C8orf34: variants seen among roughly 807,000 people sequenced by gnomAD.
C8orf34 encodes uncharacterized protein C8orf34.
In C8orf34, 65 loss-of-function variants were observed where a neutral mutation model predicts 68.3. The observed-to-expected ratio is 0.95, with a 90% confidence interval of 0.78 to 1.17. The LOEUF (loss-of-function observed/expected upper bound fraction) is 1.17, where lower values mean the gene tolerates loss of function less well. C8orf34 is among the 50% of genes most tolerant of loss of function. C8orf34 has a pLI of 0.00. For synonymous variants in C8orf34, 244 were observed against 241.2 expected (o/e 1.01, Z -0.11); for missense variants, 664 against 655.4 (o/e 1.01, Z -0.14).
At chr8:68,685,878 GTAAATAAA>G (rs57861421) in intron 8 of C8orf34, among the ~76,000 whole-genome samples, 24,447 of 139,026 alleles carry the variant, frequency 0.18, 2,382 homozygotes, top group East Asian at 0.42. Flanking sequence ...CCCTATCTCA[GTAAATAAA>G]TAAATAAATA....
rs540527747 is a variant in C8orf34 at position 68,348,561 on chromosome 8, T to A, written c.327+17222T>A. On this transcript the variant is annotated intron_variant, in intron 1 of 13. Transcript: ENST00000518698. Reference sequence around the variant, plus strand: ...CTATAAATTGCCTTGGGCAGTCTAGTCATTTTAATTATATTGATTCTTCCT... The same window carrying A: ...CTATAAATTGCCTTGGGCAGTCTAGACATTTTAATTATATTGATTCTTCCT... 2.6e-5 allele frequency among the ~76,000 whole-genome samples: 4 copies of A among 152,106 alleles called. No homozygotes were observed. The South Asian group carries it at 8.3e-4, about 32-fold the overall frequency.
chr8:68,353,624 G>A (rs868725614), intron 1 of C8orf34, among the ~76,000 whole-genome samples: 1 of 125,684 alleles, frequency 8.0e-6, no homozygotes, highest in Admixed American at 8.5e-5. Context: ...ATATACAGTT[G>A]ATTATATATA....
intron 4 of C8orf34, among the ~76,000 whole-genome samples, chr8:68,481,291 T>C (rs1380251247): frequency 6.6e-6 from 1 of 152,210 alleles, no homozygotes; most frequent in East Asian, 1.9e-4. Context: ...TTTTAGAGGA[T>C]GCATGGAAAT....
intron 12 of C8orf34, among the ~76,000 whole-genome samples, chr8:68,811,002 C>T (rs984869842): frequency 1.3e-5 from 2 of 152,068 alleles, no homozygotes; most frequent in African/African-American, 4.8e-5. Context: ...TTACTGGGGA[C>T]CCAGCACTTT....
At chr8:68,773,500 A>G (rs1823412911) in intron 10 of C8orf34, among the ~76,000 whole-genome samples, 1 of 152,014 alleles carries the variant, frequency 6.6e-6, no homozygotes, top group African/African-American at 2.4e-5. Flanking sequence ...TCCCAGGTTC[A>G]AGTGATTCTC....
At chr8:68,801,048 A>G (rs910192279) in intron 12 of C8orf34, among the ~76,000 whole-genome samples, 5 of 152,144 alleles carry the variant, frequency 3.3e-5, no homozygotes, top group Non-Finnish European at 7.3e-5. Context: ...ATAACTTTTG[A>G]GAAAAACTGC....
intron 5 of C8orf34, among the ~76,000 whole-genome samples, chr8:68,507,695 A>G (rs1814084182): frequency 6.6e-6 from 1 of 152,144 alleles, no homozygotes; most frequent in Non-Finnish European, 1.5e-5. Context: ...TTACTTACTT[A>G]CTGTAGAAAA....
At chr8:68,571,072 C>T (rs1019444483) in intron 7 of C8orf34, among the ~76,000 whole-genome samples, 2 of 152,046 alleles carry the variant, frequency 1.3e-5, no homozygotes, top group East Asian at 1.9e-4. Context: ...ACTATTCCTC[C>T]GTGGAGGAGA....
intron 1 of C8orf34, among the ~76,000 whole-genome samples, chr8:68,398,522 AAC>A (rs1288003315): frequency 5.9e-5 from 9 of 152,160 alleles, no homozygotes; most frequent in Non-Finnish European, 1.2e-4. Context: ...GTGGTAAAAA[AAC>A]ACACACAAAA....
At chr8:68,650,681 G>A (rs1460302484) in intron 8 of C8orf34, among the ~76,000 whole-genome samples, 7 of 151,926 alleles carry the variant, frequency 4.6e-5, no homozygotes, top group African/African-American at 1.4e-4. Flanking sequence ...GGGTTTCACC[G>A]TTTTAGCCGG....
intron 10 of C8orf34, among the ~76,000 whole-genome samples, chr8:68,732,541 G>A (rs1822006800): frequency 6.6e-6 from 1 of 151,608 alleles, no homozygotes. Flanking sequence ...TCATATTGTG[G>A]CAAATAATTT....
chr8:68,446,962 T>C (rs930819580), intron 3 of C8orf34: 1 of 153,200 alleles, frequency 6.5e-6, no homozygotes, highest in African/African-American at 2.4e-5. Context: ...TGTAATATCT[T>C]TGTTTTTATG....
chr8:68,425,046 T>C (rs895232789), intron 1 of C8orf34, among the ~76,000 whole-genome samples: 35 of 152,316 alleles, frequency 2.3e-4, no homozygotes, highest in African/African-American at 8.2e-4. Context: ...ATCATATTAA[T>C]TGATGCAAAA....
At chr8:68,456,239 G>A (rs1811546008) in intron 3 of C8orf34, among the ~76,000 whole-genome samples, 1 of 151,060 alleles carries the variant, frequency 6.6e-6, no homozygotes, top group African/African-American at 2.4e-5. Flanking sequence ...CTGGGTGACA[G>A]AGCGACACTC....
rs550316643 is a variant in C8orf34, at chr8:68,430,806, A to G, written c.328-8693A>G. Among the ~76,000 whole-genome samples the G allele has an allele frequency of 3.3e-5, 5 of 152,210 alleles. 1 individual carries two copies. The highest frequency in any genetic ancestry group is 1.2e-4 in the African/African-American group (5 of 41,558). On this transcript the variant is annotated intron_variant, in intron 1 of 13. Coordinates refer to ENST00000518698, the MANE Select transcript of C8orf34 (RefSeq NM_052958.4). The stretch of plus-strand genomic sequence containing the variant: ...GGGATGACTTGCAAGACAATGTGAC[A>G]AGTCGTTTCCTTATCTTGAGAAATA...
chr8:68,561,855 C>A (rs769741150), intron 7 of C8orf34, among the ~76,000 whole-genome samples: 12 of 152,144 alleles, frequency 7.9e-5, no homozygotes, highest in Non-Finnish European at 1.6e-4. Context: ...TCAGCATCAT[C>A]AATGTCACTT....
intron 1 of C8orf34, among the ~76,000 whole-genome samples, chr8:68,368,958 G>T (rs1439219191): frequency 1.3e-5 from 2 of 152,114 alleles, no homozygotes; most frequent in Non-Finnish European, 2.9e-5. Context: ...AGATGTATAT[G>T]TAACTTAAAA....
intron 8 of C8orf34, among the ~76,000 whole-genome samples, chr8:68,650,449 G>A (rs957488638): frequency 4.6e-5 from 7 of 151,858 alleles, no homozygotes; most frequent in Admixed American, 2.0e-4. Flanking sequence ...TGCATCGAGC[G>A]GGAAAAGGCT....
rs534411241 is a variant in C8orf34, at chr8:68,335,391, A to G, written c.327+4052A>G. 9.2e-5 allele frequency among the ~76,000 whole-genome samples: 14 copies of G among 152,330 alleles called. No individual in the cohort carries two copies. The South Asian group carries it at 2.5e-3, about 27-fold the overall frequency. On this transcript the variant is annotated intron_variant, in intron 1 of 13. Transcript: ENST00000518698. ...TGTTCAACTTAAATATTGTAAATAT[A>G]TTTTTTGGAGTAATGATTGTCAGGT...
Sources: gnomAD v4.1 joint callset for allele counts (sites outside exome capture counted in the v4.1 genomes callset) on GRCh38, gnomAD v4.1.1 for gene constraint, MANE v1.5 for transcripts, NCBI Gene and HGNC (gene_info 2026-07-23, HGNC 2026-07-21) for gene names.